UBE2Q2: variants seen among roughly 807,000 people sequenced by gnomAD.
UBE2Q2 encodes the protein ubiquitin conjugating enzyme E2 Q2.
A neutral mutation model predicts 59.9 loss-of-function variants in UBE2Q2; 54 were observed. The ratio of observed to expected loss-of-function variants is 0.90; its 90% CI spans 0.72 to 1.13. The LOEUF (loss-of-function observed/expected upper bound fraction) is 1.13, where lower values mean the gene tolerates loss of function less well. Among genes scored for constraint, UBE2Q2 ranks in the 50% most tolerant of loss-of-function variants. The probability of loss-of-function intolerance (pLI) is 0.00; values close to 1 mark genes in which losing one functional copy is unlikely to be tolerated. For synonymous variants in UBE2Q2, 165 were observed against 155.2 expected, an observed-to-expected ratio of 1.06 and a Z score of -0.47; for missense variants, 433 against 441.9, an observed-to-expected ratio of 0.98 and a Z score of 0.18.
chr15:75,870,313 C>G (rs771370696), intron 4 of UBE2Q2, among the ~76,000 whole-genome samples: 8 of 152,114 alleles, frequency 5.3e-5, no homozygotes, highest in South Asian at 2.1e-4. Flanking sequence ...AAGTGATCCA[C>G]CACTGGCCTC....
chr15:75,872,846 C>A (rs914525359), intron 4 of UBE2Q2, among the ~76,000 whole-genome samples: 1 of 151,552 alleles, frequency 6.6e-6, no homozygotes, highest in Non-Finnish European at 1.5e-5. Flanking sequence ...CTTATTTCAG[C>A]GTAACTGAAA....
chr15:75,883,883 C>G (rs1286408503), intron 9 of UBE2Q2, among the ~76,000 whole-genome samples: 2 of 151,938 alleles, frequency 1.3e-5, no homozygotes, highest in East Asian at 1.9e-4. Flanking sequence ...TACGCACATA[C>G]TTTTTACCAT....
At chr15:75,854,732 C>T (rs1196061639) in intron 2 of UBE2Q2, among the ~76,000 whole-genome samples, 2 of 151,940 alleles carry the variant, frequency 1.3e-5, no homozygotes, top group Non-Finnish European at 2.9e-5. Flanking sequence ...GAATTCTAAC[C>T]ATTAAGCCAA....
intron 8 of UBE2Q2, among the ~76,000 whole-genome samples, chr15:75,881,131 G>A (rs573632906): frequency 6.6e-6 from 1 of 151,744 alleles, no homozygotes; most frequent in East Asian, 1.9e-4. Flanking sequence ...AAAGCACCCA[G>A]GCCAAAAACA....
chr15:75,863,922 G>T (rs1214720523), intron 3 of UBE2Q2, among the ~76,000 whole-genome samples: 1 of 152,082 alleles, frequency 6.6e-6, no homozygotes, highest in Non-Finnish European at 1.5e-5. Flanking sequence ...TTACAGGGGT[G>T]AGCCACTGCA....
intron 4 of UBE2Q2, 32 bp downstream of exon 4, chr15:75,869,042 A>C: frequency 6.4e-7 from 1 of 1,571,642 alleles, no homozygotes. Flanking sequence ...AGAGTTCATA[A>C]ATTTCTTCAT....
At chr15:75,843,992 TC>T in intron 1 of UBE2Q2, 146 bp downstream of exon 1, 1 of 1,403,140 alleles carries the variant, frequency 7.1e-7, no homozygotes, top group Middle Eastern at 2.6e-4. Flanking sequence ...GACTTGCCCA[TC>T]CCAGGCCGGG....
intron 9 of UBE2Q2, among the ~76,000 whole-genome samples, chr15:75,889,771 T>C (rs563033865): frequency 5.3e-4 from 81 of 152,306 alleles, no homozygotes; most frequent in African/African-American, 1.8e-3. Flanking sequence ...TAAAATAACA[T>C]TGAAGGAGAA....
At chr15:75,898,880 A>G (rs1240670142) in intron 12 of UBE2Q2, among the ~76,000 whole-genome samples, 3 of 152,200 alleles carry the variant, frequency 2.0e-5, no homozygotes, top group African/African-American at 7.2e-5. Context: ...TCTTGTGTTG[A>G]AAACTCAGGT....
chr15:75,881,361 A>G (rs1370504169), intron 8 of UBE2Q2, among the ~76,000 whole-genome samples: 7 of 151,914 alleles, frequency 4.6e-5, no homozygotes, highest in African/African-American at 1.7e-4. Context: ...GACTATAGGT[A>G]GTGTTTTCAT....
chr15:75,890,319 G>C, intron 9 of UBE2Q2, 116 bp from the exon 10 acceptor site: 1 of 720,556 alleles, frequency 1.4e-6, no homozygotes, highest in Non-Finnish European at 2.3e-6. Context: ...TGTCATGTTT[G>C]CATGTTATTT....
At chr15:75,853,322 T>G (rs1419208735) in intron 1 of UBE2Q2, among the ~76,000 whole-genome samples, 1 of 151,880 alleles carries the variant, frequency 6.6e-6, no homozygotes, top group Non-Finnish European at 1.5e-5. Flanking sequence ...ATACAAAAAA[T>G]TAGCTTGGCG....
intron 2 of UBE2Q2, among the ~76,000 whole-genome samples, chr15:75,859,519 T>G (rs931088920): frequency 6.6e-6 from 1 of 152,226 alleles, no homozygotes; most frequent in Non-Finnish European, 1.5e-5. Context: ...ATTTTTTGTT[T>G]TTATTTTTTT....
intron 9 of UBE2Q2, among the ~76,000 whole-genome samples, chr15:75,885,175 A>G (rs1272698365): frequency 1.3e-5 from 2 of 151,988 alleles, no homozygotes; most frequent in Admixed American, 6.6e-5. Context: ...GCTGAAATGC[A>G]GTGGCGTGAT....
intron 3 of UBE2Q2, among the ~76,000 whole-genome samples, chr15:75,867,196 T>C (rs1180660160): frequency 6.6e-6 from 1 of 152,230 alleles, no homozygotes; most frequent in Non-Finnish European, 1.5e-5. Context: ...AAGATTTTGC[T>C]GCTGCATTGA....
intron 4 of UBE2Q2, among the ~76,000 whole-genome samples, chr15:75,870,930 C>T (rs1897751877): frequency 6.6e-6 from 1 of 152,102 alleles, no homozygotes; most frequent in South Asian, 2.1e-4. Flanking sequence ...AAGAAAAAGA[C>T]ACAGAGACAA....
At chr15:75,884,833 G>A (rs1201331543) in intron 9 of UBE2Q2, among the ~76,000 whole-genome samples, 1 of 152,138 alleles carries the variant, frequency 6.6e-6, no homozygotes, top group Middle Eastern at 3.4e-3. Context: ...ATTTTTGGTA[G>A]AGATGGTGTT....
At chr15:75,862,751 G>T (rs1423834270) in intron 3 of UBE2Q2, among the ~76,000 whole-genome samples, 1 of 149,528 alleles carries the variant, frequency 6.7e-6, no homozygotes, top group East Asian at 2.0e-4. Flanking sequence ...TGAGGTTAAG[G>T]CTGCAGTGGG....
At chr15:75,865,290 A>G (rs1358143040) in intron 3 of UBE2Q2, among the ~76,000 whole-genome samples, 2 of 152,176 alleles carry the variant, frequency 1.3e-5, no homozygotes, top group African/African-American at 4.8e-5. Context: ...ATCATACTGT[A>G]TGTATTTTTT....
Sources: allele counts gnomAD v4.1 joint callset (sites outside exome capture counted in the v4.1 genomes callset), GRCh38; gene constraint gnomAD v4.1.1; transcripts MANE v1.5; gene names NCBI Gene and HGNC (gene_info 2026-07-23, HGNC 2026-07-21).